SEZ6L: variants seen among roughly 807,000 people sequenced by gnomAD.
SEZ6L encodes the protein seizure 6-like protein.
In SEZ6L, 37 loss-of-function variants were observed where a neutral mutation model predicts 106.2. The ratio of observed to expected loss-of-function variants is 0.35; its 90% CI spans 0.27 to 0.46. The LOEUF is 0.46. SEZ6L is among the 20% of genes least tolerant of loss of function. SEZ6L has a pLI of 1.00. For missense variants in SEZ6L, 1,172 were observed against 1,332.8 expected, an observed-to-expected ratio of 0.88 and a Z score of 1.88; for synonymous variants, 541 against 570.4, an observed-to-expected ratio of 0.95 and a Z score of 0.73.
At chr22:26,292,369 T>C in intron 1 of SEZ6L, 37 bp from the exon 2 acceptor site, 1 of 1,536,152 alleles carries the variant, frequency 6.5e-7, no homozygotes, top group East Asian at 2.3e-5. Context: ...GTCCTAAATC[T>C]CCCCAAACTA....
chr22:26,187,721 C>T (rs1939877813), intron 1 of SEZ6L, among the ~76,000 whole-genome samples: 1 of 152,188 alleles, frequency 6.6e-6, no homozygotes, highest in Admixed American at 6.5e-5. Context: ...GCCTCCCAAA[C>T]CCCGATCAGA....
In SEZ6L at chr22:26,349,927, T is replaced by A. The variant is rs114083802; in HGVS notation, c.2408-1125T>A. On this transcript the variant is annotated intron_variant, in intron 11 of 16. Transcript: ENST00000248933. ...TTTTATCTATATTGATTTTTTAATG[T>A]GAAAAGTAATGAAAGTTTATTTTAC... 2.7e-3 allele frequency among the ~76,000 whole-genome samples: 405 copies of A among 152,320 alleles called. 2 individuals are homozygous for A. Among genetic ancestry groups the A allele is most frequent in the African/African-American group, 9.3e-3 (388 of 41,572 alleles).
chr22:26,252,320 C>G (rs1440955866), intron 1 of SEZ6L, among the ~76,000 whole-genome samples: 4 of 152,202 alleles, frequency 2.6e-5, no homozygotes, highest in Non-Finnish European at 5.9e-5. Flanking sequence ...GAAGTTCAGA[C>G]TCTACCAAAG....
Position 26,313,786 on chromosome 22 carries a change from T to A in SEZ6L, c.1899T>A (p.Ser633=). 1 of 1,611,626 alleles carries A rather than the reference T, an allele frequency of 6.2e-7. No homozygotes were observed. ...CAGCCATGTGTGGTGGGGAGCTCTCTGCTGTGGCTGGGGTGGTATTGTCCC... is the reference window on the plus strand; with the variant it reads ...CAGCCATGTGTGGTGGGGAGCTCTCAGCTGTGGCTGGGGTGGTATTGTCCC... ...LCRAMCGGEL[S]AVAGVVLSPN... Residue 633 remains serine (S), a synonymous_variant, in exon 9 of 17, where the codon TCT becomes TCA. Transcript: ENST00000248933.
chr22:26,209,429 T>A (rs1412067009), intron 1 of SEZ6L, among the ~76,000 whole-genome samples: 1 of 151,760 alleles, frequency 6.6e-6, no homozygotes, highest in Non-Finnish European at 1.5e-5. Flanking sequence ...CTCTAGCAAA[T>A]GGATGGATGA....
At chr22:26,199,962 G>A (rs989981173) in intron 1 of SEZ6L, among the ~76,000 whole-genome samples, 2 of 152,164 alleles carry the variant, frequency 1.3e-5, no homozygotes, top group African/African-American at 2.4e-5. Flanking sequence ...GAGTTGGCCC[G>A]TTTAAATCTC....
intron 10 of SEZ6L, among the ~76,000 whole-genome samples, chr22:26,343,093 C>T (rs902763845): frequency 6.6e-6 from 1 of 152,100 alleles, no homozygotes; most frequent in Non-Finnish European, 1.5e-5. Context: ...GTGGGTTCCC[C>T]GCTCTTTTCT....
intron 1 of SEZ6L, among the ~76,000 whole-genome samples, chr22:26,234,180 C>A (rs566928858): frequency 1.3e-5 from 2 of 152,280 alleles, no homozygotes; most frequent in African/African-American, 2.4e-5. Flanking sequence ...AGAGAGGGGG[C>A]AGGGGAGTCA....
In SEZ6L at chr22:26,340,587, G is replaced by A; in HGVS notation, c.2167G>A (p.Gly723Ser). ...LTIQFHSDPA[G>S]LIFGKGQGFI... The stretch of plus-strand genomic sequence containing the variant: ...CATCCAGTTCCATTCGGACCCTGCT[G>A]GCCTCATCTTTGGAAAGGGCCAGGG... The change falls in exon 10 of 17, where the codon GGC (glycine) becomes AGC (serine). Residue 723 changes from glycine (G) to serine (S), a missense_variant. By Grantham distance (56) the Gly-to-Ser change is moderately conservative (BLOSUM62 0). Around this residue, in one of 4 missense-constraint regions of SEZ6L, gnomAD observed 534 missense variants for 691.0 expected, o/e 0.77. Transcript: ENST00000248933. 6.2e-7 allele frequency: 1 copy of A among 1,614,092 alleles called. No individual in the cohort carries two copies.
intron 1 of SEZ6L, among the ~76,000 whole-genome samples, chr22:26,212,901 C>G (rs2078201542): frequency 1.3e-5 from 2 of 152,132 alleles, no homozygotes; most frequent in African/African-American, 4.8e-5. Context: ...TGGACCTCAG[C>G]CTTGGGGTCA....
chr22:26,251,687 C>A (rs1255930173), intron 1 of SEZ6L, among the ~76,000 whole-genome samples: 1 of 152,176 alleles, frequency 6.6e-6, no homozygotes, highest in Admixed American at 6.5e-5. Flanking sequence ...AGAATCAGTG[C>A]CCCCTGGAAA....
chr22:26,300,494 T>C (rs1265613460), intron 5 of SEZ6L, among the ~76,000 whole-genome samples: 1 of 152,280 alleles, frequency 6.6e-6, no homozygotes, highest in Non-Finnish European at 1.5e-5. Flanking sequence ...TCATCATTTT[T>C]TATGGCTGCA....
intron 12 of SEZ6L, among the ~76,000 whole-genome samples, chr22:26,354,540 A>C (rs534477829): frequency 2.6e-5 from 4 of 152,318 alleles, no homozygotes; most frequent in African/African-American, 9.6e-5. Flanking sequence ...CGTCAGTGTC[A>C]TTCCCATTTC....
intron 9 of SEZ6L, among the ~76,000 whole-genome samples, chr22:26,338,867 C>CTTTTTTTTTTTTTTTTTTTTTTTTTT (rs71192914): frequency 1.1e-5 from 1 of 87,468 alleles, no homozygotes; most frequent in Non-Finnish European, 2.0e-5. Flanking sequence ...TTTTTTTTTT[C>CTTTTTTTTTTTTTTTTTTTTTTTTTT]TTTTTTTTTT....
At chr22:26,257,437 T>A (rs2079859784) in intron 1 of SEZ6L, among the ~76,000 whole-genome samples, 2 of 152,220 alleles carry the variant, frequency 1.3e-5, no homozygotes, top group Admixed American at 6.5e-5. Context: ...ACACTCCTAA[T>A]TCCTGTCTAT....
intron 1 of SEZ6L, among the ~76,000 whole-genome samples, chr22:26,212,424 T>A (rs868370554): frequency 2.8e-4 from 42 of 152,306 alleles, no homozygotes; most frequent in South Asian, 1.4e-3. Context: ...AGGACTTTTT[T>A]AAAAAAATTT....
At chr22:26,353,213 G>A (rs2083333611) in intron 12 of SEZ6L, among the ~76,000 whole-genome samples, 1 of 152,172 alleles carries the variant, frequency 6.6e-6, no homozygotes, top group African/African-American at 2.4e-5. Flanking sequence ...GGATGACTTA[G>A]AGATAAAATG....
intron 6 of SEZ6L, among the ~76,000 whole-genome samples, chr22:26,308,058 T>A (rs933732385): frequency 6.6e-6 from 1 of 152,114 alleles, no homozygotes; most frequent in South Asian, 2.1e-4. Flanking sequence ...ACAAAAATGA[T>A]GAAGACACTA....
chr22:26,280,291 T>C (rs959616920), intron 1 of SEZ6L, among the ~76,000 whole-genome samples: 15 of 152,154 alleles, frequency 9.9e-5, no homozygotes, highest in Non-Finnish European at 2.1e-4. Flanking sequence ...TACATATATA[T>C]GCATGTAAAA....
Sources: gnomAD v4.1 joint callset for allele counts (sites outside exome capture counted in the v4.1 genomes callset) on GRCh38, gnomAD v4.1.1 for gene constraint, gnomAD v4.1.1 regional missense constraint, MANE v1.5 for transcripts, NCBI Gene and HGNC (gene_info 2026-07-23, HGNC 2026-07-21) for gene names.